The following C2CD2L variants were observed in gnomAD, a reference collection of about 807,000 sequenced individuals.
C2CD2L encodes C2CD2 like.
A neutral mutation model predicts 69.9 loss-of-function variants in C2CD2L; 24 were observed. The observed-to-expected ratio is 0.34, with a 90% CI of 0.25 to 0.48. The LOEUF is 0.48. C2CD2L is among the 20% of genes least tolerant of loss of function. C2CD2L has a pLI of 0.99. For missense variants in C2CD2L, 811 were observed against 941.5 expected (o/e 0.86, Z 1.81); for synonymous variants, 367 against 391.0 (o/e 0.94, Z 0.72).
chr11:119,107,710 A>G lies in C2CD2L; in HGVS notation c.-32A>G. The stretch of plus-strand genomic sequence containing the variant: ...TCCCCCGGGGCAGCGGGTGAGCCCC[A>G]GCCGGGACCGGGATCGGAGCCCGCG... On this transcript the variant is annotated 5_prime_UTR_variant, in exon 1 of 14. Coordinates refer to ENST00000648610, the MANE Select transcript of C2CD2L (RefSeq NM_001290474.2). The surrounding 1 kb of genome is among the most constrained non-coding windows in gnomAD (Gnocchi z 5.4). The G allele has an allele frequency of 2.2e-6, 3 of 1,385,434 alleles. No homozygotes were observed. The South Asian group carries it at 4.3e-5, about 20-fold the overall frequency. 85.8% of individuals were successfully genotyped at this position (1,385,434 alleles called of 1,614,324 possible). A position where few individuals can be genotyped will look rare whatever the true frequency, so the allele number is the denominator to read the frequency against.
In C2CD2L at chr11:119,110,180, A is replaced by T; in HGVS notation, c.431A>T (p.Asp144Val). The change falls in exon 2 of 14, where the codon GAC becomes GTC. Residue 144 changes from aspartate (D) to valine (V), a missense_variant. Physicochemically the swap from Asp to Val is radical, Grantham distance 152. Coordinates refer to ENST00000648610, the MANE Select transcript of C2CD2L (RefSeq NM_001290474.2). This position sits in a 1 kb window ranked among gnomAD's most constrained non-coding sequence, Gnocchi z 5.7. ...RASISHVTCV[D>V]QSEHTMVLRC... The stretch of plus-strand genomic sequence containing the variant: ...AGCATCAGTCATGTGACCTGCGTAG[A>T]CCAATCTGAGCATACCATGGTAAGG... The T allele has an allele frequency of 1.2e-6, 2 of 1,613,356 alleles. No homozygotes were observed. The highest frequency in any genetic ancestry group is 8.5e-7 in the Non-Finnish European group (1 of 1,179,374).
At chr11:119,116,008 G>T (rs1592245782) in intron 13 of C2CD2L, 37 bp from the exon 14 acceptor site, 22 of 1,576,632 alleles carry the variant, frequency 1.4e-5, no homozygotes, top group Non-Finnish European at 1.9e-5. Flanking sequence ...CCCACCCCGT[G>T]CCCCTCTCTG....
In C2CD2L at chr11:119,114,309, A is replaced by C; in HGVS notation, c.1853A>C (p.Glu618Ala). 6.2e-7 allele frequency: 1 copy of C among 1,614,166 alleles called. No individual in the cohort carries two copies. The highest frequency in any genetic ancestry group is 8.5e-7 in the Non-Finnish European group (1 of 1,180,032). Residue 618 changes from glutamate (E) to alanine (A), a missense_variant, in exon 13 of 14, where the codon GAG becomes GCG. By Grantham distance (107) the Glu-to-Ala change is moderately radical. Coordinates refer to ENST00000648610, the MANE Select transcript of C2CD2L (RefSeq NM_001290474.2). This position sits in a 1 kb window ranked among gnomAD's most constrained non-coding sequence, Gnocchi z 5.1. ...GAGAGGCCATCTGTGGATGATATTG[A>C]GTCGGAAACGGGGTCCACTGGTGCC... The part of the protein sequence containing the change: ...ISERPSVDDI[E>A]SETGSTGALE...
At position 119,116,190 on chromosome 11, in the gene C2CD2L, C is replaced by A. The variant is rs1388309089; in HGVS notation, c.2055C>A (p.Arg685=). 6.2e-7 allele frequency: 1 copy of A among 1,614,254 alleles called. No individual in the cohort carries two copies. Among genetic ancestry groups the A allele is most frequent in the Non-Finnish European group, 8.5e-7 (1 of 1,180,052 alleles). ...VRKKAGSFSR[R]LIKRFSFKSK... Reference sequence around the variant, plus strand: ...AGAAGGCCGGCAGCTTTTCTCGCCGCCTTATCAAGCGCTTTTCCTTCAAAT... The same window carrying A: ...AGAAGGCCGGCAGCTTTTCTCGCCGACTTATCAAGCGCTTTTCCTTCAAAT... Residue 685 remains arginine (R), a synonymous_variant, in exon 14 of 14, where the codon CGC becomes CGA. Coordinates refer to ENST00000648610, the MANE Select transcript of C2CD2L (RefSeq NM_001290474.2).
In C2CD2L at chr11:119,112,345, G is replaced by C. The variant is rs1326341376; in HGVS notation, c.1037G>C (p.Ser346Thr). ...EDLALDLGPQ[S>T]RELTLKVLRS... ...TCCCACAGGGATCTGGGCCCCCAGA[G>C]CCGGGAGCTGACCCTCAAAGTGCTG... The change falls in exon 8 of 14, where the codon AGC (serine) becomes ACC (threonine). Residue 346 changes from serine to threonine, a missense_variant. Coordinates refer to ENST00000648610, the MANE Select transcript of C2CD2L (RefSeq NM_001290474.2). 6.2e-7 allele frequency: 1 copy of C among 1,612,926 alleles called. No individual in the cohort carries two copies. The highest frequency in any genetic ancestry group is 8.5e-7 in the Non-Finnish European group (1 of 1,179,808).
At chr11:119,113,520 G>C in intron 10 of C2CD2L, 91 bp from the exon 11 acceptor site, 1 of 1,493,494 alleles carries the variant, frequency 6.7e-7, no homozygotes. Flanking sequence ...TGCCCTCTGA[G>C]TCACCCAAAG....
Position 119,111,296 on chromosome 11 carries a change from G to C in C2CD2L, c.832G>C (p.Ala278Pro). The C allele has an allele frequency of 1.2e-6, 2 of 1,614,174 alleles. No individual in the cohort carries two copies. The highest frequency in any genetic ancestry group is 1.7e-6 in the Non-Finnish European group (2 of 1,180,018). The change falls in exon 6 of 14, where the codon GCT (alanine) becomes CCT (proline). Residue 278 changes from alanine to proline, a missense_variant. Physicochemically the swap from Ala to Pro is conservative, Grantham distance 27. Coordinates refer to ENST00000648610, the MANE Select transcript of C2CD2L (RefSeq NM_001290474.2). The part of the protein sequence containing the change: ...PSEKPPMMPQ[A>P]QPAIPRPNRL... ...TGAGAAGCCACCCATGATGCCCCAG[G>C]CTCAGCCAGCCATCCCCAGACCTAA...
chr11:119,107,235 CT>C (rs1456829362), upstream of C2CD2L: 1 of 152,386 alleles, frequency 6.6e-6, no homozygotes, highest in Non-Finnish European at 1.5e-5. The surrounding 1 kb of genome is among the most constrained non-coding windows in gnomAD (Gnocchi z 5.4). Flanking sequence ...ACCTCCTCCG[CT>C]CGCTGCTAGC....
chr11:119,111,223 T>C, intron 5 of C2CD2L, 40 bp from the exon 6 acceptor site: 5 of 1,609,814 alleles, frequency 3.1e-6, no homozygotes, highest in South Asian at 2.2e-5. Flanking sequence ...TAGGGTGCTA[T>C]GTCAGGATTC....
chr11:119,102,360 A>C (rs1160518119), upstream of C2CD2L: 2 of 470,802 alleles, frequency 4.2e-6, no homozygotes, highest in Admixed American at 4.7e-5. Flanking sequence ...TGTTGCCAAC[A>C]TAGTCGGAAG....
chr11:119,112,549 G>C lies in C2CD2L; in HGVS notation c.1152G>C (p.Leu384Phe). The C allele has an allele frequency of 6.2e-7, 1 of 1,613,324 alleles. No homozygotes were observed. The highest frequency in any genetic ancestry group is 8.5e-7 in the Non-Finnish European group (1 of 1,179,796). Residue 384 changes from leucine (L) to phenylalanine (F), a missense_variant, in exon 9 of 14, where the codon TTG (leucine) becomes TTC (phenylalanine). By Grantham distance (22) the Leu-to-Phe change is conservative (BLOSUM62 0). Coordinates refer to ENST00000648610, the MANE Select transcript of C2CD2L (RefSeq NM_001290474.2). The stretch of plus-strand genomic sequence containing the variant: ...CCAGACCACTGTCTCGAAGACAGTT[G>C]TGCCCACTCACCCCAGGGCCAGGGA... ...SPSRPLSRRQ[L>F]CPLTPGPGKA...
At chr11:119,103,762 TAAC>T (rs1351680708), upstream of C2CD2L, among the ~76,000 whole-genome samples, 6 of 152,170 alleles carry the variant, frequency 3.9e-5, no homozygotes, top group Non-Finnish European at 8.8e-5. Flanking sequence ...TGGCTCTAAT[TAAC>T]AACAACAAAA....
At chr11:119,115,968 T>G in intron 13 of C2CD2L, 77 bp from the exon 14 acceptor site, 1 of 1,185,244 alleles carries the variant, frequency 8.4e-7, no homozygotes, top group South Asian at 1.3e-5. Context: ...TTTCCCTCCA[T>G]TCTCCATCGT....
chr11:119,106,935 G>A (rs1946602570), upstream of C2CD2L: 1 of 152,228 alleles, frequency 6.6e-6, no homozygotes, highest in African/African-American at 2.4e-5. Flanking sequence ...TTCTATCTGG[G>A]AGGGACGCTC....
rs749605657 is a variant in C2CD2L at position 119,107,937 on chromosome 11, T to C, written c.196T>C (p.Trp66Arg). Reference protein sequence around the residue: ...PAGSLRELGVWRSLLRLRATR... With the variant: ...PAGSLRELGVRRSLLRLRATR... ...GGGTTCCCTGCGGGAGCTGGGCGTG[T>C]GGCGCTCGCTGCTGCGGCTGCGGGC... The change falls in exon 1 of 14, where the codon TGG (tryptophan) becomes CGG (arginine). Residue 66 changes from tryptophan to arginine, a missense_variant. Coordinates refer to ENST00000648610, the MANE Select transcript of C2CD2L (RefSeq NM_001290474.2). The surrounding 1 kb of genome is among the most constrained non-coding windows in gnomAD (Gnocchi z 5.4). 8 of 1,542,498 alleles carry C rather than the reference T, an allele frequency of 5.2e-6. No individual in the cohort carries two copies. The East Asian group carries it at 1.6e-4, about 31-fold the overall frequency.
At chr11:119,104,519 A>G (rs1427530084), upstream of C2CD2L, among the ~76,000 whole-genome samples, 2 of 152,228 alleles carry the variant, frequency 1.3e-5, no homozygotes, top group Non-Finnish European at 2.9e-5. Context: ...TGTTCCCATG[A>G]TGATAAAGTC....
chr11:119,113,787 A>G (rs2134967201), intron 11 of C2CD2L, 68 bp from the exon 12 acceptor site: 2 of 1,611,244 alleles, frequency 1.2e-6, no homozygotes, highest in South Asian at 2.2e-5. Context: ...TGGGTGGGAT[A>G]GGAGGAGTTC....
rs536417553 is a variant in C2CD2L at position 119,108,161 on chromosome 11, C to T, written c.354+66C>T. Reference sequence around the variant, plus strand: ...CCTTCCAGGGGAGGGACTGACTGCTCGTGCTAGGAGGCCAGACGAGGGTGG... The same window carrying T: ...CCTTCCAGGGGAGGGACTGACTGCTTGTGCTAGGAGGCCAGACGAGGGTGG... On this transcript the variant is annotated intron_variant, in intron 1 of 13. Transcript: ENST00000648610. 154 of 1,137,378 alleles carry T rather than the reference C, an allele frequency of 1.4e-4. No individual in the cohort carries two copies. In the African/African-American group the frequency reaches 1.6e-3, roughly 12 times the overall value. The allele number at this position is 1,137,378 out of a possible 1,614,324, so 70.5% of individuals were successfully genotyped here.
At chr11:119,112,085 G>C (rs915100301) in intron 7 of C2CD2L, 1 of 535,512 alleles carries the variant, frequency 1.9e-6, no homozygotes, top group Non-Finnish European at 3.3e-6. Flanking sequence ...TGAGAGACTG[G>C]CAAGACAGGA....
Sources: allele counts gnomAD v4.1 joint callset (sites outside exome capture counted in the v4.1 genomes callset), GRCh38; gene constraint gnomAD v4.1.1; non-coding constraint Gnocchi (gnomAD v3.1); transcripts MANE v1.5; gene names NCBI Gene and HGNC (gene_info 2026-07-23, HGNC 2026-07-21).